Variants in PRTFDC1 observed in about 807,000 individuals in gnomAD.
PRTFDC1 encodes the protein phosphoribosyltransferase domain-containing protein 1.
PRTFDC1 carries 38 observed loss-of-function variants against 34.6 expected under a neutral mutation model. The ratio of observed to expected loss-of-function variants is 1.10; its 90% CI spans 0.85 to 1.44. The LOEUF is 1.44. PRTFDC1 is among the 40% of genes most tolerant of loss of function. The pLI is 0.00. For synonymous variants in PRTFDC1, 93 were observed against 98.1 expected (o/e 0.95, Z 0.31); for missense variants, 270 against 283.0 (o/e 0.95, Z 0.33).
chr10:24,889,297 C>T (rs1393212221), intron 3 of PRTFDC1, among the ~76,000 whole-genome samples: 1 of 152,150 alleles, frequency 6.6e-6, no homozygotes, highest in Non-Finnish European at 1.5e-5. Context: ...GCCCTCACCA[C>T]ACACTGAATC....
chr10:24,915,151 A>T (rs1391815412), intron 3 of PRTFDC1, among the ~76,000 whole-genome samples: 1 of 152,140 alleles, frequency 6.6e-6, no homozygotes, highest in Non-Finnish European at 1.5e-5. Flanking sequence ...TATAGAAGAG[A>T]ACACTAAGAT....
intron 1 of PRTFDC1, among the ~76,000 whole-genome samples, chr10:24,944,407 G>A (rs753155165): frequency 6.6e-6 from 1 of 152,088 alleles, no homozygotes; most frequent in South Asian, 2.1e-4. Context: ...ATTTCTCCCA[G>A]GACTGTCCCA....
chr10:24,886,420 A>G (rs1239936808), intron 3 of PRTFDC1, among the ~76,000 whole-genome samples: 1 of 152,160 alleles, frequency 6.6e-6, no homozygotes, highest in Admixed American at 6.5e-5. Flanking sequence ...GCCAGGCTGG[A>G]GATTTCACAT....
At chr10:24,927,812 C>T (rs1185306814) in intron 3 of PRTFDC1, among the ~76,000 whole-genome samples, 2 of 151,338 alleles carry the variant, frequency 1.3e-5, no homozygotes, top group African/African-American at 4.9e-5. Context: ...TATCTCTTGA[C>T]CCTGTGATCT....
At chr10:24,861,540 C>A (rs1399114255) in intron 4 of PRTFDC1, among the ~76,000 whole-genome samples, 1 of 151,920 alleles carries the variant, frequency 6.6e-6, no homozygotes, top group Non-Finnish European at 1.5e-5. Flanking sequence ...AAACAAAAAA[C>A]CAAATCAAAT....
rs533027316 is a variant in PRTFDC1 at position 24,865,847 on chromosome 10, G to C, written c.405+6151C>G. Among the ~76,000 whole-genome samples the C allele has an allele frequency of 3.1e-3, 478 of 152,264 alleles. 4 individuals carry two copies. Among genetic ancestry groups the C allele is most frequent in the Middle Eastern group, 0.01 (3 of 294 alleles). On this transcript the variant is annotated intron_variant, in intron 4 of 8. Transcript: ENST00000320152. ...CAATGAGCTGTATTGGGGATATGGA[G>C]AATGAGTAGGAATGTGAATATAAAC... is the stretch of plus-strand genomic sequence containing the variant.
At chr10:24,904,559 G>T (rs1355082391) in intron 3 of PRTFDC1, among the ~76,000 whole-genome samples, 1 of 152,176 alleles carries the variant, frequency 6.6e-6, no homozygotes, top group East Asian at 1.9e-4. Flanking sequence ...GGACACTTCA[G>T]CCCCGTGAAC....
intron 3 of PRTFDC1, among the ~76,000 whole-genome samples, chr10:24,930,425 A>G (rs144475688): frequency 1.3e-5 from 2 of 152,152 alleles, no homozygotes; most frequent in African/African-American, 4.8e-5. Flanking sequence ...CATATAAAAC[A>G]TTTCAGAAAA....
chr10:24,860,969 T>C lies in PRTFDC1; in HGVS notation c.406-2560A>G, dbSNP rs1160318885. On this transcript the variant is annotated intron_variant, in intron 4 of 8. Transcript: ENST00000320152. ...GAAAAACCTTTCTAAAATGTGTTAG[T>C]CTGCATTCCTGCCTAATTAAGTAGA... Among the ~76,000 whole-genome samples the C allele has an allele frequency of 3.9e-5, 6 of 152,362 alleles. No individual in the cohort carries two copies. The East Asian group carries it at 1.2e-3, about 29-fold the overall frequency.
intron 3 of PRTFDC1, among the ~76,000 whole-genome samples, chr10:24,894,004 T>A (rs1239033125): frequency 2.0e-5 from 3 of 152,196 alleles, no homozygotes; most frequent in Non-Finnish European, 2.9e-5. Flanking sequence ...TGTCTCCTGA[T>A]AACATTACTG....
At chr10:24,920,761 C>T (rs77281555) in intron 3 of PRTFDC1, among the ~76,000 whole-genome samples, 23 of 152,140 alleles carry the variant, frequency 1.5e-4, no homozygotes, top group African/African-American at 4.8e-4. Flanking sequence ...AGTAGTCTAA[C>T]AGTACTGCTG....
intron 3 of PRTFDC1, among the ~76,000 whole-genome samples, chr10:24,901,430 C>G (rs1848447991): frequency 6.6e-6 from 1 of 152,070 alleles, no homozygotes; most frequent in African/African-American, 2.4e-5. Flanking sequence ...CTAACATACC[C>G]TAAAATGTTT....
At chr10:24,925,159 G>C (rs1031012760) in intron 3 of PRTFDC1, among the ~76,000 whole-genome samples, 13 of 152,210 alleles carry the variant, frequency 8.5e-5, no homozygotes, top group Non-Finnish European at 2.9e-5. Context: ...ATGAGTTCAT[G>C]TCCTTTGCAG....
Position 24,929,040 on chromosome 10 carries a change from C to CAAAAAAAAA in PRTFDC1, c.339+8135_339+8143dup, listed in dbSNP as rs536613455. Among the ~76,000 whole-genome samples the CAAAAAAAAA allele has an allele frequency of 2.0e-4, 15 of 73,578 alleles. 1 individual carries two copies. Among genetic ancestry groups the CAAAAAAAAA allele is most frequent in the African/African-American group, 6.7e-4 (10 of 14,826 alleles). The allele number at this position is 73,578 out of a possible 152,430, so 48.3% of individuals were successfully genotyped here. A position where few individuals can be genotyped will look rare whatever the true frequency, so the allele number is the denominator to read the frequency against. On this transcript the variant is annotated intron_variant, in intron 3 of 8. Coordinates refer to ENST00000320152, the MANE Select transcript of PRTFDC1 (RefSeq NM_020200.7). ...TAGGCGACAGAGGCAGACTCCGTCT[C>CAAAAAAAAA]AAAAAAAAAAAAAAAGAAAGAAAGA...
In PRTFDC1 at chr10:24,871,954, C is replaced by T. The variant is rs11014272; in HGVS notation, c.405+44G>A. 2.3e-4 allele frequency: 343 copies of T among 1,517,900 alleles called. No individual in the cohort carries two copies. In the African/African-American group the frequency reaches 3.9e-3, roughly 17 times the overall value. The allele number at this position is 1,517,900 out of a possible 1,614,324, so 94.0% of individuals were successfully genotyped here. On this transcript the variant is annotated intron_variant, in intron 4 of 8. Coordinates refer to ENST00000320152, the MANE Select transcript of PRTFDC1 (RefSeq NM_020200.7). ...TGACCTGAAATGCAGGTCACCGATG[C>T]CCCCAGACCTCAATGCGGTCTGAGC...
In PRTFDC1 at chr10:24,952,400, C is replaced by G; in HGVS notation, c.48+128G>C. 3 of 1,131,912 alleles carry G rather than the reference C, an allele frequency of 2.7e-6. No individual in the cohort carries two copies. Among genetic ancestry groups the G allele is most frequent in the Non-Finnish European group, 3.9e-6 (3 of 776,532 alleles). 70.1% of individuals were successfully genotyped at this position (1,131,912 alleles called of 1,614,324 possible). ...CGGGTCCGAGGATGGAAGCGATCCC[C>G]GCCGGGAGGGAGAACAAAGCGGTGG... On this transcript the variant is annotated intron_variant, in intron 1 of 8. Coordinates refer to ENST00000320152, the MANE Select transcript of PRTFDC1 (RefSeq NM_020200.7). This position sits in a 1 kb window ranked among gnomAD's most constrained non-coding sequence, Gnocchi z 5.1.
intron 3 of PRTFDC1, among the ~76,000 whole-genome samples, chr10:24,880,047 G>C (rs1009246136): frequency 2.6e-5 from 4 of 152,050 alleles, no homozygotes; most frequent in Admixed American, 6.5e-5. Flanking sequence ...CTGACCTTGA[G>C]GAAGTTACCT....
chr10:24,872,998 T>G (rs1318838934), intron 3 of PRTFDC1, among the ~76,000 whole-genome samples: 1 of 151,496 alleles, frequency 6.6e-6, no homozygotes, highest in Admixed American at 6.6e-5. Flanking sequence ...TAATTTATTT[T>G]TATTTTTAGT....
At chr10:24,947,264 G>T (rs1374250134) in intron 1 of PRTFDC1, among the ~76,000 whole-genome samples, 1 of 152,192 alleles carries the variant, frequency 6.6e-6, no homozygotes, top group South Asian at 2.1e-4. Flanking sequence ...GATGAAAGTC[G>T]ATTCAAGACG....
Sources: allele counts gnomAD v4.1 joint callset (sites outside exome capture counted in the v4.1 genomes callset), GRCh38; gene constraint gnomAD v4.1.1; non-coding constraint Gnocchi (gnomAD v3.1); transcripts MANE v1.5; gene names NCBI Gene and HGNC (gene_info 2026-07-23, HGNC 2026-07-21).